CREB1: variants seen among roughly 807,000 people sequenced by gnomAD.
CREB1 encodes cyclic AMP-responsive element-binding protein 1.
In CREB1, 2 loss-of-function variants were observed where a neutral mutation model predicts 42.0. That is an observed-to-expected ratio of 0.05 (90% CI 0.02 to 0.15). CREB1 has a LOEUF of 0.15. Among genes scored for constraint, CREB1 ranks in the 10% least tolerant of loss-of-function variants. CREB1 has a pLI of 1.00. For missense variants in CREB1, 199 were observed against 388.9 expected (o/e 0.51, Z 4.11); for synonymous variants, 123 against 139.9 (o/e 0.88, Z 0.85).
intron 7 of CREB1, among the ~76,000 whole-genome samples, chr2:207,595,181 A>G (rs2106636776): frequency 6.6e-6 from 1 of 151,608 alleles, no homozygotes; most frequent in African/African-American, 2.4e-5. Flanking sequence ...TTTTTAATAG[A>G]GATGGAGTTT....
At chr2:207,572,616 A>G (rs186135227) in intron 5 of CREB1, among the ~76,000 whole-genome samples, 25 of 152,298 alleles carry the variant, frequency 1.6e-4, no homozygotes, top group Non-Finnish European at 1.3e-4. Context: ...GGAATTATCG[A>G]CCATCCTGGC....
intron 1 of CREB1, among the ~76,000 whole-genome samples, chr2:207,544,368 A>G (rs915877690): frequency 4.6e-4 from 70 of 152,078 alleles, no homozygotes; most frequent in African/African-American, 1.4e-3. Flanking sequence ...TTTTTTCCAC[A>G]GTTCATTGTA....
chr2:207,573,586 T>C (rs80221322), intron 5 of CREB1, among the ~76,000 whole-genome samples: 2,359 of 152,106 alleles, frequency 0.016, 31 homozygotes, highest in Non-Finnish European at 0.022. Context: ...AAAATGTCTT[T>C]AGAAAATTAG....
intron 7 of CREB1, among the ~76,000 whole-genome samples, chr2:207,595,100 A>G (rs1275375230): frequency 6.8e-6 from 1 of 146,296 alleles, no homozygotes; most frequent in Non-Finnish European, 1.5e-5. Context: ...GGTTTAAGTG[A>G]TTCTCCTGCC....
intron 7 of CREB1, among the ~76,000 whole-genome samples, chr2:207,587,119 C>T (rs1449593590): frequency 6.6e-6 from 1 of 152,066 alleles, no homozygotes; most frequent in Non-Finnish European, 1.5e-5. Flanking sequence ...AAGGGCCAGG[C>T]GTGGTGGCTC....
chr2:207,530,504 C>A (rs1317758618), intron 1 of CREB1, among the ~76,000 whole-genome samples: 1 of 144,258 alleles, frequency 6.9e-6, no homozygotes, highest in Non-Finnish European at 1.5e-5. Flanking sequence ...GGGCCGGGCG[C>A]GGAGCCGGGA....
At chr2:207,561,839 G>T (rs2081969433) in intron 3 of CREB1, among the ~76,000 whole-genome samples, 1 of 152,058 alleles carries the variant, frequency 6.6e-6, no homozygotes. Flanking sequence ...GAATTTGTCA[G>T]CCATTTTATA....
At chr2:207,588,894 G>GT (rs1018007596) in intron 7 of CREB1, among the ~76,000 whole-genome samples, 2 of 142,648 alleles carry the variant, frequency 1.4e-5, no homozygotes. Context: ...TTTGTCGGGG[G>GT]GGGTGTAGAT....
intron 7 of CREB1, chr2:207,581,053 C>A (rs532865418): frequency 4.7e-6 from 1 of 214,896 alleles, no homozygotes; most frequent in Admixed American, 5.9e-5. Context: ...ATCACCTTTG[C>A]CTTTATGTAA....
At chr2:207,536,457 A>T (rs2080874163) in intron 1 of CREB1, among the ~76,000 whole-genome samples, 1 of 152,126 alleles carries the variant, frequency 6.6e-6, no homozygotes, top group Non-Finnish European at 1.5e-5. Flanking sequence ...CAGGAGGCTG[A>T]GGCAGGATAA....
At position 207,603,433 on chromosome 2, in the gene CREB1, G is replaced by A; in HGVS notation, c.*6375G>A. The A allele has an allele frequency of 4.5e-6, 1 of 224,506 alleles. No individual in the cohort carries two copies. Among genetic ancestry groups the A allele is most frequent in the East Asian group, 6.5e-5 (1 of 15,458 alleles). 13.9% of individuals were successfully genotyped at this position (224,506 alleles called of 1,614,324 possible). A position where few individuals can be genotyped will look rare whatever the true frequency, so the allele number is the denominator to read the frequency against. ...ACATAAACATGCTTTTAAAAACTCT[G>A]TAAGTCTCTTTTTTGGGGATGGGAT... is the stretch of plus-strand genomic sequence containing the variant. On this transcript the variant is annotated 3_prime_UTR_variant, in exon 8 of 8. Transcript: ENST00000353267.
intron 1 of CREB1, among the ~76,000 whole-genome samples, chr2:207,553,062 C>CTTTTTT (rs10561230): frequency 7.9e-5 from 5 of 63,216 alleles, no homozygotes; most frequent in African/African-American, 2.3e-4. Flanking sequence ...TACAGGTAGA[C>CTTTTTT]TTTTTTTTTT....
chr2:207,577,023 A>G (rs2082625017), intron 6 of CREB1: 1 of 926,946 alleles, frequency 1.1e-6, no homozygotes, highest in Non-Finnish European at 1.3e-6. Flanking sequence ...TTAATTCAAA[A>G]TTTATAATAG....
intron 3 of CREB1, among the ~76,000 whole-genome samples, chr2:207,566,851 A>G (rs2082159382): frequency 6.6e-6 from 1 of 152,190 alleles, no homozygotes; most frequent in Non-Finnish European, 1.5e-5. Flanking sequence ...TAAATTTTTT[A>G]TTCACTTATC....
At chr2:207,568,846 T>C (rs754834925) in intron 4 of CREB1, among the ~76,000 whole-genome samples, 5 of 152,116 alleles carry the variant, frequency 3.3e-5, no homozygotes, top group South Asian at 2.1e-4. Context: ...TTTATTTTTT[T>C]TTCTAGTAAG....
chr2:207,576,241 C>CTTTTTTTTTTTTTT (rs35735523), intron 6 of CREB1, among the ~76,000 whole-genome samples: 1 of 101,068 alleles, frequency 9.9e-6, no homozygotes, highest in African/African-American at 3.8e-5. Context: ...CTTTTTTTGG[C>CTTTTTTTTTTTTTT]TTTTTTTTTT....
intron 4 of CREB1, chr2:207,567,905 A>G (rs909924177): frequency 1.2e-5 from 2 of 162,464 alleles, no homozygotes; most frequent in East Asian, 3.4e-4. Context: ...TTAGTAACAC[A>G]TTGCAAACCA....
rs2087017343 is a variant in CREB1 at position 207,601,335 on chromosome 2, TCTC to T, written c.*4281_*4283del. On this transcript the variant is annotated 3_prime_UTR_variant, in exon 8 of 8. Transcript: ENST00000353267. ...AAGTAATTCTCAACTTTTTAGTCTT[TCTC>T]CTCTCTTCAAATCATGTGACTTTTT... 1 of 185,932 alleles carries T rather than the reference TCTC, an allele frequency of 5.4e-6. No individual in the cohort carries two copies. The highest frequency in any genetic ancestry group is 6.2e-5 in the Admixed American group (1 of 16,126). 11.5% of individuals were successfully genotyped at this position (185,932 alleles called of 1,614,324 possible). A position where few individuals can be genotyped will look rare whatever the true frequency, so the allele number is the denominator to read the frequency against.
chr2:207,575,934 T>TC (rs67598600), intron 6 of CREB1, among the ~76,000 whole-genome samples: 750 of 14,134 alleles, frequency 0.053, 75 homozygotes, highest in East Asian at 0.14. Context: ...TTTCTCTGCT[T>TC]CCCCCCCCCC....
Sources: gnomAD v4.1 joint callset for allele counts (sites outside exome capture counted in the v4.1 genomes callset) on GRCh38, gnomAD v4.1.1 for gene constraint, MANE v1.5 for transcripts, NCBI Gene and HGNC (gene_info 2026-07-23, HGNC 2026-07-21) for gene names.